The following ZBTB7C variants were observed in gnomAD, a reference collection of about 807,000 sequenced individuals.
ZBTB7C encodes the protein zinc finger and BTB domain-containing protein 7C.
In ZBTB7C, 8 loss-of-function variants were observed where a neutral mutation model predicts 25.7. The ratio of observed to expected loss-of-function variants is 0.31; its 90% CI spans 0.18 to 0.56. ZBTB7C has a LOEUF of 0.56. ZBTB7C is among the 20% of genes least tolerant of loss of function. The probability of loss-of-function intolerance (pLI) is 0.91; values close to 1 mark genes in which losing one functional copy is unlikely to be tolerated. For missense variants in ZBTB7C, 824 were observed against 855.2 expected, an observed-to-expected ratio of 0.96 and a Z score of 0.46; for synonymous variants, 394 against 369.0, an observed-to-expected ratio of 1.07 and a Z score of -0.78.
intron 2 of ZBTB7C, among the ~76,000 whole-genome samples, chr18:48,234,249 C>T (rs1018678561): frequency 2.2e-4 from 34 of 152,114 alleles, no homozygotes; most frequent in African/African-American, 8.2e-4. Flanking sequence ...TATACTATAC[C>T]ATATTCATAG....
At chr18:48,336,110 C>T (rs555032934) in intron 2 of ZBTB7C, among the ~76,000 whole-genome samples, 1 of 152,182 alleles carries the variant, frequency 6.6e-6, no homozygotes, top group African/African-American at 2.4e-5. Flanking sequence ...ACCCACCCCT[C>T]CTGCCTCCAG....
At chr18:48,200,920 G>A (rs543842725) in intron 2 of ZBTB7C, among the ~76,000 whole-genome samples, 23 of 152,210 alleles carry the variant, frequency 1.5e-4, no homozygotes, top group Admixed American at 3.9e-4. Flanking sequence ...AAGCTGAGGT[G>A]TGTGGCTCAC....
At chr18:48,406,384 G>A (rs2048283456) in intron 1 of ZBTB7C, among the ~76,000 whole-genome samples, 1 of 152,150 alleles carries the variant, frequency 6.6e-6, no homozygotes, top group African/African-American at 2.4e-5. Context: ...GTCAGCCCAG[G>A]AAGCCCAAGT....
chr18:48,156,910 C>T (rs929871007), intron 3 of ZBTB7C, among the ~76,000 whole-genome samples: 3 of 151,946 alleles, frequency 2.0e-5, no homozygotes, highest in South Asian at 2.1e-4. Flanking sequence ...CATTAGGGGT[C>T]TCTCTGGCTG....
rs756445102 is a variant in ZBTB7C, at chr18:48,040,079, C to T, written c.1029G>A (p.Leu343=). 10 of 1,612,202 alleles carry T rather than the reference C, an allele frequency of 6.2e-6. No individual in the cohort carries two copies. The highest frequency in any genetic ancestry group is 8.5e-6 in the Non-Finnish European group (10 of 1,179,004). Residue 343 remains leucine, a synonymous_variant, in exon 4 of 5, where the codon CTG becomes CTA. Coordinates refer to ENST00000590800, the MANE Select transcript of ZBTB7C (RefSeq NM_001318841.2). ...GGGGCCAGGGTGGGAAGAGGCCTCC[C>T]AGGTGGGTGGCACTCAGGAAGTTGA... ...AYLNFLSATH[L]GGLFPPWPLV... is the part of the protein sequence containing the mutation.
At chr18:48,034,492 C>A (rs1181418562) in intron 4 of ZBTB7C, among the ~76,000 whole-genome samples, 3 of 152,046 alleles carry the variant, frequency 2.0e-5, no homozygotes, top group African/African-American at 7.2e-5. Context: ...CCAGGGTGCC[C>A]CTTCCTCCCA....
At chr18:48,083,350 A>C (rs2038062867) in intron 3 of ZBTB7C, among the ~76,000 whole-genome samples, 1 of 152,110 alleles carries the variant, frequency 6.6e-6, no homozygotes, top group African/African-American at 2.4e-5. Context: ...ACAATCTAGA[A>C]GCCTCAGTTG....
intron 3 of ZBTB7C, chr18:48,150,980 G>C (rs2040658793): frequency 6.6e-6 from 1 of 152,194 alleles, no homozygotes; most frequent in Non-Finnish European, 1.5e-5. Context: ...CCCCAGCTCA[G>C]AGCCACTGAG....
intron 3 of ZBTB7C, among the ~76,000 whole-genome samples, chr18:48,112,863 T>A (rs1364123060): frequency 2.6e-5 from 4 of 151,896 alleles, no homozygotes; most frequent in Non-Finnish European, 4.4e-5. Flanking sequence ...CTTGTTTAAA[T>A]TTTTTTTTAT....
chr18:48,093,340 C>T (rs184004524), intron 3 of ZBTB7C, among the ~76,000 whole-genome samples: 2 of 152,330 alleles, frequency 1.3e-5, no homozygotes, highest in Admixed American at 1.3e-4. Context: ...CTGGCAATGC[C>T]ACTGGCAGGG....
rs1444604970 is a variant in ZBTB7C, at chr18:48,084,628, G to A, written c.-16-43505C>T. 3.9e-5 allele frequency among the ~76,000 whole-genome samples: 6 copies of A among 152,116 alleles called. 1 individual carries two copies. Among genetic ancestry groups the A allele is most frequent in the South Asian group, 4.1e-4 (2 of 4,824 alleles). ...CCCTATCACCCCTACCCTGGCCCCC[G>A]TGGCTGGTGTTTACACAGATTCAGA... On this transcript the variant is annotated intron_variant, in intron 3 of 4. Coordinates refer to ENST00000590800, the MANE Select transcript of ZBTB7C (RefSeq NM_001318841.2).
intron 2 of ZBTB7C, among the ~76,000 whole-genome samples, chr18:48,189,518 G>A (rs921635440): frequency 1.3e-5 from 2 of 152,104 alleles, no homozygotes; most frequent in Non-Finnish European, 1.5e-5. Flanking sequence ...ACAAGGGAGT[G>A]GTCTCAAAGG....
intron 3 of ZBTB7C, chr18:48,149,179 TGTGTGTGCGCACGTGTGTGTGCACGC>T (rs1258769064): frequency 1.5e-5 from 2 of 137,194 alleles, no homozygotes; most frequent in Non-Finnish European, 3.2e-5. Flanking sequence ...TGTGTGCATG[TGTGTGTGCGCACGTGTGTGTGCACGC>T]GTGTGTGTAT....
At chr18:48,332,421 C>A (rs193101875) in intron 2 of ZBTB7C, among the ~76,000 whole-genome samples, 1 of 152,244 alleles carries the variant, frequency 6.6e-6, no homozygotes, top group East Asian at 1.9e-4. Context: ...GCTGGCTGTC[C>A]CACTTGTAGC....
At chr18:48,326,479 C>T (rs2046222936) in intron 2 of ZBTB7C, among the ~76,000 whole-genome samples, 1 of 151,970 alleles carries the variant, frequency 6.6e-6, no homozygotes, top group Non-Finnish European at 1.5e-5. Context: ...AGACTGACAT[C>T]GGATTGTAGA....
chr18:48,145,841 T>G (rs185904473), intron 3 of ZBTB7C, among the ~76,000 whole-genome samples: 9 of 152,348 alleles, frequency 5.9e-5, no homozygotes, highest in Non-Finnish European at 1.3e-4. Context: ...TTTACAAGAC[T>G]GCTATTCAAA....
chr18:48,234,288 A>T (rs961802769), intron 2 of ZBTB7C, among the ~76,000 whole-genome samples: 1 of 152,192 alleles, frequency 6.6e-6, no homozygotes, highest in Admixed American at 6.5e-5. Context: ...CTATTATCTT[A>T]AACTATTTTA....
chr18:48,220,275 G>T (rs892796793), intron 2 of ZBTB7C, among the ~76,000 whole-genome samples: 1 of 152,182 alleles, frequency 6.6e-6, no homozygotes, highest in African/African-American at 2.4e-5. Flanking sequence ...ATGGAGAGGG[G>T]ATGAATGAGT....
At chr18:48,039,248 A>T (rs2036109604) in intron 4 of ZBTB7C, among the ~76,000 whole-genome samples, 1 of 152,190 alleles carries the variant, frequency 6.6e-6, no homozygotes, top group Admixed American at 6.5e-5. Flanking sequence ...CCCCAAAATG[A>T]TTGAGAGGAC....
Sources: gnomAD v4.1 joint callset for allele counts (sites outside exome capture counted in the v4.1 genomes callset) on GRCh38, gnomAD v4.1.1 for gene constraint, MANE v1.5 for transcripts, NCBI Gene and HGNC (gene_info 2026-07-23, HGNC 2026-07-21) for gene names.